The following NT5C2 variants were observed in gnomAD, a reference collection of about 807,000 sequenced individuals.
NT5C2 encodes 5'-nucleotidase, cytosolic II.
NT5C2 carries 58 observed loss-of-function variants against 76.1 expected under a neutral mutation model. The observed-to-expected ratio is 0.76, with a 90% CI of 0.62 to 0.95. The LOEUF is 0.95. Among genes scored for constraint, NT5C2 ranks in the 40% least tolerant of loss-of-function variants. The probability of loss-of-function intolerance (pLI) is 0.00; values close to 1 mark genes in which losing one functional copy is unlikely to be tolerated. For missense variants in NT5C2, 478 were observed against 690.3 expected (o/e 0.69, Z 3.45); for synonymous variants, 229 against 237.4 (o/e 0.96, Z 0.32).
chr10:103,155,868 T>C (rs1413550860), intron 3 of NT5C2, among the ~76,000 whole-genome samples: 1 of 152,122 alleles, frequency 6.6e-6, no homozygotes, highest in Non-Finnish European at 1.5e-5. Context: ...TAACATTATT[T>C]AAAAAATGAA....
At chr10:103,143,017 GAGAAA>G (rs1325540024) in intron 3 of NT5C2, among the ~76,000 whole-genome samples, 2 of 149,938 alleles carry the variant, frequency 1.3e-5, no homozygotes, top group African/African-American at 4.9e-5. Context: ...GAATAGAAAA[GAGAAA>G]AGAAAAGAGG....
chr10:103,175,388 A>G (rs1413051014), intron 2 of NT5C2, among the ~76,000 whole-genome samples: 1 of 152,186 alleles, frequency 6.6e-6, no homozygotes, highest in African/African-American at 2.4e-5. Flanking sequence ...GGTGTGGAGT[A>G]GAACAGTAGC....
intron 6 of NT5C2, among the ~76,000 whole-genome samples, chr10:103,104,926 G>A (rs376393319): frequency 5.3e-5 from 8 of 152,292 alleles, no homozygotes; most frequent in South Asian, 4.1e-4. Context: ...TTTACGAGCT[G>A]TTGTTCTGAC....
At chr10:103,102,677 A>G (rs557977746) in intron 6 of NT5C2, among the ~76,000 whole-genome samples, 1 of 151,988 alleles carries the variant, frequency 6.6e-6, no homozygotes, top group South Asian at 2.1e-4. Context: ...GGGAACATTA[A>G]AGAGTCAAAG....
chr10:103,094,231 G>A, intron 13 of NT5C2, 117 bp downstream of exon 13: 2 of 743,556 alleles, frequency 2.7e-6, no homozygotes, highest in East Asian at 2.7e-5. Flanking sequence ...AATTTCAAAA[G>A]AGAGATACGG....
At chr10:103,129,862 C>G (rs1228036552) in intron 4 of NT5C2, among the ~76,000 whole-genome samples, 2 of 80,554 alleles carry the variant, frequency 2.5e-5, no homozygotes, top group African/African-American at 5.6e-5. Context: ...GGCCAGCCGC[C>G]CTGTCCGGGA....
chr10:103,123,778 A>G (rs1189325872), intron 4 of NT5C2, among the ~76,000 whole-genome samples: 3 of 152,072 alleles, frequency 2.0e-5, no homozygotes, highest in South Asian at 2.1e-4. Flanking sequence ...AAAAACTGGA[A>G]TGTACCTCCT....
At chr10:103,115,355 T>C (rs1331705096) in intron 4 of NT5C2, among the ~76,000 whole-genome samples, 1 of 152,082 alleles carries the variant, frequency 6.6e-6, no homozygotes, top group Non-Finnish European at 1.5e-5. Context: ...TGAGTCGAGA[T>C]TGTGCCAATG....
At chr10:103,123,135 T>A (rs942576114) in intron 4 of NT5C2, among the ~76,000 whole-genome samples, 1 of 152,182 alleles carries the variant, frequency 6.6e-6, no homozygotes, top group Non-Finnish European at 1.5e-5. Flanking sequence ...TTTTATTTTT[T>A]GACTTTTTGT....
intron 1 of NT5C2, among the ~76,000 whole-genome samples, chr10:103,182,022 A>G (rs2091173475): frequency 6.6e-6 from 1 of 152,022 alleles, no homozygotes; most frequent in South Asian, 2.1e-4. Flanking sequence ...AAAAAAAAAA[A>G]AGAAAAAATA....
Position 103,089,914 on chromosome 10 carries a change from C to T in NT5C2, c.1450-6G>A. 1.3e-6 allele frequency: 2 copies of T among 1,575,192 alleles called. No homozygotes were observed. The highest frequency in any genetic ancestry group is 1.7e-6 in the Non-Finnish European group (2 of 1,159,882). Reference sequence around the variant, plus strand: ...ACCGTTGATTCATGAGGCATCTAGACAGAAAAAAGCTAGAGGCTCAGAAAG... The same window carrying T: ...ACCGTTGATTCATGAGGCATCTAGATAGAAAAAAGCTAGAGGCTCAGAAAG... On this transcript the variant is annotated splice_region_variant and splice_polypyrimidine_tract_variant and intron_variant, in intron 18 of 18. Coordinates refer to ENST00000404739, the MANE Select transcript of NT5C2 (RefSeq NM_001351169.2).
chr10:103,187,269 G>A (rs1042704375), intron 1 of NT5C2, among the ~76,000 whole-genome samples: 1 of 151,894 alleles, frequency 6.6e-6, no homozygotes, highest in Non-Finnish European at 1.5e-5. Context: ...AAAAAGGCCA[G>A]TTGCAGTGGC....
chr10:103,189,390 G>A (rs982755734), intron 1 of NT5C2, among the ~76,000 whole-genome samples: 2 of 151,940 alleles, frequency 1.3e-5, no homozygotes, highest in Non-Finnish European at 2.9e-5. Flanking sequence ...GACGGATCAT[G>A]AGGTAAAGAG....
Position 103,142,313 on chromosome 10 carries a change from G to A in NT5C2, c.102-2834C>T, listed in dbSNP as rs181385856. On this transcript the variant is annotated intron_variant, in intron 3 of 18. Transcript: ENST00000404739. ...CAGAAAGATCACTATGAAGACATAG[G>A]AAAAACTGAACATATAATAGTATGG... Among the ~76,000 whole-genome samples, 113 of 152,256 alleles carry A rather than the reference G, an allele frequency of 7.4e-4. 1 individual carries two copies. The highest frequency in any genetic ancestry group is 2.6e-3 in the African/African-American group (110 of 41,554).
chr10:103,088,907 T>C lies in NT5C2; in HGVS notation c.*765A>G. The C allele has an allele frequency of 4.7e-6, 1 of 212,372 alleles. No homozygotes were observed. The highest frequency in any genetic ancestry group is 2.3e-5 in the African/African-American group (1 of 44,274). 13.2% of individuals were successfully genotyped at this position (212,372 alleles called of 1,614,324 possible). A position where few individuals can be genotyped will look rare whatever the true frequency, so the allele number is the denominator to read the frequency against. ...GTAGTATAAGAAGGCAGTTCTTCCC[T>C]TTCTTTTCTGGGGGCTTGTTCCTTT... On this transcript the variant is annotated 3_prime_UTR_variant, in exon 19 of 19. Coordinates refer to ENST00000404739, the MANE Select transcript of NT5C2 (RefSeq NM_001351169.2).
rs765695355 is a variant in NT5C2, at chr10:103,095,963, C to T, written c.789G>A (p.Leu263=). 20 of 1,613,446 alleles carry T rather than the reference C, an allele frequency of 1.2e-5. No individual in the cohort carries two copies. In the South Asian group the frequency reaches 2.2e-4, roughly 18 times the overall value. ...CCTTGGGGCCATGTGGGAAGTCAAA[C>T]AGGTAAGTCATAATTTTCTGGAAAA... ...YKYTDKIMTY[L]FDFPHGPKPG... Residue 263 remains leucine (L), a synonymous_variant, in exon 12 of 19, where the codon CTG becomes CTA. Coordinates refer to ENST00000404739, the MANE Select transcript of NT5C2 (RefSeq NM_001351169.2).
intron 15 of NT5C2, among the ~76,000 whole-genome samples, chr10:103,092,617 T>G (rs1359597587): frequency 6.6e-6 from 1 of 152,148 alleles, no homozygotes; most frequent in East Asian, 1.9e-4. Context: ...CAGAACTATA[T>G]CCGTAACTCA....
chr10:103,175,539 C>G (rs2089657896), intron 2 of NT5C2: 1 of 184,458 alleles, frequency 5.4e-6, no homozygotes, highest in African/African-American at 2.4e-5. Context: ...GGCTACCCCC[C>G]AGCAGACCCC....
chr10:103,112,461 A>G (rs2073262411), intron 4 of NT5C2, among the ~76,000 whole-genome samples: 1 of 152,236 alleles, frequency 6.6e-6, no homozygotes, highest in African/African-American at 2.4e-5. Context: ...AAGCCAATTT[A>G]TACTCTATAA....
Sources: gnomAD v4.1 joint callset for allele counts (sites outside exome capture counted in the v4.1 genomes callset) on GRCh38, gnomAD v4.1.1 for gene constraint, MANE v1.5 for transcripts, NCBI Gene and HGNC (gene_info 2026-07-23, HGNC 2026-07-21) for gene names.